The following CNGB3 variants were observed in gnomAD, a reference collection of about 807,000 sequenced individuals.
CNGB3 encodes cyclic nucleotide-gated channel beta-3.
In CNGB3, 86 loss-of-function variants were observed where a neutral mutation model predicts 92.8. The observed-to-expected ratio is 0.93, with a 90% CI of 0.78 to 1.11. CNGB3 has a LOEUF of 1.11. Ranked by LOEUF, CNGB3 falls within the 50% of genes least tolerant of loss-of-function variation. CNGB3 has a pLI of 0.00. For missense variants in CNGB3, 1,026 were observed against 956.8 expected (o/e 1.07, Z -0.95); for synonymous variants, 333 against 332.7 (o/e 1.00, Z -0.01).
At chr8:86,702,790 T>A (rs542443189) in intron 3 of CNGB3, among the ~76,000 whole-genome samples, 107 of 151,954 alleles carry the variant, frequency 7.0e-4, no homozygotes, top group African/African-American at 2.3e-3. Flanking sequence ...TATTCTTTTT[T>A]AAAAAAAATC....
intron 1 of CNGB3, 127 bp from the exon 2 acceptor site, chr8:86,739,863 T>C: frequency 9.0e-7 from 1 of 1,117,224 alleles, no homozygotes; most frequent in Non-Finnish European, 1.3e-6. Context: ...TATGATGTAC[T>C]AAAAATGATT....
intron 3 of CNGB3, among the ~76,000 whole-genome samples, chr8:86,712,133 G>A (rs185333443): frequency 1.3e-5 from 2 of 152,060 alleles, no homozygotes; most frequent in African/African-American, 4.8e-5. Context: ...CAATTTTAAA[G>A]TACCTTAATA....
At position 86,591,220 on chromosome 8, in the gene CNGB3, T is replaced by A. The variant is rs1478919720; in HGVS notation, c.1782-11968A>T. On this transcript the variant is annotated intron_variant, in intron 15 of 17. Transcript: ENST00000320005. ...TCCTTTAAGCACTTTTCTGTATTGG[T>A]TATTCTAGTTATACATTCTTCTAAA... 3.5e-5 allele frequency among the ~76,000 whole-genome samples: 5 copies of A among 141,042 alleles called. 1 individual carries two copies. The Admixed American group carries it at 3.6e-4, about 10-fold the overall frequency. The allele number at this position is 141,042 out of a possible 152,430, so 92.5% of individuals were successfully genotyped here. A position where few individuals can be genotyped will look rare whatever the true frequency, so the allele number is the denominator to read the frequency against.
intron 3 of CNGB3, among the ~76,000 whole-genome samples, chr8:86,701,798 T>C (rs969573522): frequency 6.6e-6 from 1 of 152,168 alleles, no homozygotes. Context: ...TTTATACTCA[T>C]TTGTTACGAA....
chr8:86,586,330 T>C (rs1821889343), intron 15 of CNGB3, among the ~76,000 whole-genome samples: 1 of 80,868 alleles, frequency 1.2e-5, no homozygotes, highest in Admixed American at 1.6e-4. Flanking sequence ...GATAATATTT[T>C]TTTTTAAATT....
At chr8:86,691,610 C>A (rs1824318359) in intron 3 of CNGB3, among the ~76,000 whole-genome samples, 1 of 151,980 alleles carries the variant, frequency 6.6e-6, no homozygotes, top group Non-Finnish European at 1.5e-5. Context: ...TTCTTTGGAT[C>A]TTATCTCTTC....
chr8:86,681,081 G>A (rs1039896657), intron 3 of CNGB3, among the ~76,000 whole-genome samples: 2 of 152,078 alleles, frequency 1.3e-5, no homozygotes, highest in South Asian at 2.1e-4. Flanking sequence ...ATTACCAAGC[G>A]ATTGCACAAA....
chr8:86,653,871 T>C (rs1198330031), intron 7 of CNGB3, 141 bp downstream of exon 7: 7 of 685,644 alleles, frequency 1.0e-5, no homozygotes, highest in Non-Finnish European at 1.6e-5. Context: ...AGGTAATTAT[T>C]GAGAGGCAGA....
intron 6 of CNGB3, chr8:86,658,819 C>A (rs1372159956): frequency 2.4e-5 from 14 of 595,428 alleles, no homozygotes; most frequent in Middle Eastern, 3.2e-4. Context: ...TGGAAGACTG[C>A]ATGACTGATG....
intron 2 of CNGB3, among the ~76,000 whole-genome samples, chr8:86,730,234 A>G (rs894699616): frequency 6.6e-6 from 1 of 152,206 alleles, no homozygotes; most frequent in Non-Finnish European, 1.5e-5. Flanking sequence ...AGGTGATGAA[A>G]TAAGTGATGT....
intron 3 of CNGB3, among the ~76,000 whole-genome samples, chr8:86,725,317 A>G (rs909464724): frequency 1.3e-5 from 2 of 152,146 alleles, no homozygotes; most frequent in African/African-American, 2.4e-5. Context: ...AAATGAATTA[A>G]CCTTTCAGTA....
At chr8:86,614,746 G>A (rs1822584254) in intron 13 of CNGB3, among the ~76,000 whole-genome samples, 1 of 152,150 alleles carries the variant, frequency 6.6e-6, no homozygotes, top group Non-Finnish European at 1.5e-5. Flanking sequence ...AGAAATGTCT[G>A]TTCATGGTCG....
At chr8:86,731,672 AC>A (rs1221345502) in intron 2 of CNGB3, among the ~76,000 whole-genome samples, 1 of 152,144 alleles carries the variant, frequency 6.6e-6, no homozygotes, top group Admixed American at 6.5e-5. Context: ...TCCCTACATA[AC>A]TAATTCTCTA....
chr8:86,583,889 T>G (rs1361475971), intron 15 of CNGB3, among the ~76,000 whole-genome samples: 1 of 111,260 alleles, frequency 9.0e-6, no homozygotes, highest in African/African-American at 3.6e-5. Flanking sequence ...ACCAATACAC[T>G]CCAGACTGGG....
intron 8 of CNGB3, among the ~76,000 whole-genome samples, chr8:86,647,037 T>G (rs1272990450): frequency 2.0e-5 from 3 of 151,136 alleles, no homozygotes; most frequent in Admixed American, 2.0e-4. Context: ...TCAGTGTTTA[T>G]GTAAATACAC....
chr8:86,641,007 CAG>C (rs1205815886), intron 10 of CNGB3, among the ~76,000 whole-genome samples: 5 of 152,016 alleles, frequency 3.3e-5, no homozygotes, highest in Non-Finnish European at 7.4e-5. Flanking sequence ...ATACAGGTAA[CAG>C]AGAGCTTGCT....
chr8:86,590,343 A>C (rs1298096168), intron 15 of CNGB3, among the ~76,000 whole-genome samples: 4 of 152,160 alleles, frequency 2.6e-5, no homozygotes, highest in African/African-American at 9.6e-5. Context: ...ATTTACATTT[A>C]AAGTTAATAG....
intron 11 of CNGB3, among the ~76,000 whole-genome samples, chr8:86,631,777 C>CATT (rs1477187126): frequency 1.3e-5 from 2 of 152,250 alleles, no homozygotes; most frequent in African/African-American, 4.8e-5. Context: ...CTCTGTATTT[C>CATT]ATTAACATGT....
chr8:86,589,687 A>C (rs1199434156), intron 15 of CNGB3, among the ~76,000 whole-genome samples: 2 of 152,164 alleles, frequency 1.3e-5, no homozygotes, highest in Non-Finnish European at 2.9e-5. Flanking sequence ...AGTTTCATTG[A>C]ACTGTGGTCT....
Sources: allele counts gnomAD v4.1 joint callset (sites outside exome capture counted in the v4.1 genomes callset), GRCh38; gene constraint gnomAD v4.1.1; transcripts MANE v1.5; gene names NCBI Gene and HGNC (gene_info 2026-07-23, HGNC 2026-07-21).